Variants in BMP4 observed in about 807,000 individuals in gnomAD.
The protein encoded by BMP4 is bone morphogenetic protein 4.
BMP4 carries 3 observed loss-of-function variants against 29.6 expected under a neutral mutation model. The ratio of observed to expected loss-of-function variants is 0.10; its 90% CI spans 0.05 to 0.26. BMP4 has a LOEUF of 0.26. BMP4 is among the 10% of genes least tolerant of loss of function. The pLI is 1.00. For missense variants in BMP4, 455 were observed against 550.2 expected, an observed-to-expected ratio of 0.83 and a Z score of 1.73; for synonymous variants, 197 against 213.2, an observed-to-expected ratio of 0.92 and a Z score of 0.66.
In BMP4 at chr14:53,950,483, G is replaced by T. The variant is rs1195073655; in HGVS notation, c.776C>A (p.Pro259His). The T allele has an allele frequency of 6.2e-7, 1 of 1,614,160 alleles. No homozygotes were observed. The highest frequency in any genetic ancestry group is 8.5e-7 in the Non-Finnish European group (1 of 1,180,056). ...GQHVRISRSL[P>H]QGSGNWAQLR... ...CTGGGCCCAATTCCCACTCCCTTGAGGTAACGATCGGCTAATCCTGACATG... is the reference window on the plus strand; with the variant it reads ...CTGGGCCCAATTCCCACTCCCTTGATGTAACGATCGGCTAATCCTGACATG... Residue 259 changes from proline (P) to histidine (H), a missense_variant, in exon 4 of 4, where the codon CCT (proline) becomes CAT (histidine). Transcript: ENST00000245451. This position sits in a 1 kb window ranked among gnomAD's most constrained non-coding sequence, Gnocchi z 5.4.
chr14:53,952,586 G>A (rs1895503782), intron 2 of BMP4, among the ~76,000 whole-genome samples: 1 of 151,748 alleles, frequency 6.6e-6, no homozygotes, highest in Non-Finnish European at 1.5e-5. Context: ...CATTGAGGGG[G>A]TGAAAAGGGG....
chr14:53,952,178 T>G lies in BMP4; in HGVS notation c.45A>C (p.Gln15His), dbSNP rs1276201527. 6.2e-7 allele frequency: 1 copy of G among 1,613,970 alleles called. No homozygotes were observed. Among genetic ancestry groups the G allele is most frequent in the Non-Finnish European group, 8.5e-7 (1 of 1,180,022 alleles). The change falls in exon 3 of 4, where the codon CAA becomes CAC. Residue 15 changes from glutamine (Q) to histidine (H), a missense_variant. Gln to His is a conservative substitution (Grantham distance 24, BLOSUM62 0). Around this residue, in one of 4 missense-constraint regions of BMP4, gnomAD observed 249 missense variants for 284.6 expected, o/e 0.87. Coordinates refer to ENST00000245451, the MANE Select transcript of BMP4 (RefSeq NM_001202.6). ...CATGGCTCGCGCCTCCTAGCAGGAC[T>G]TGGCATAATAAAACGACCATCAGCA... ...NRMLMVVLLC[Q>H]VLLGGASHAS...
At position 53,950,513 on chromosome 14, in the gene BMP4, C is replaced by T; in HGVS notation, c.746G>A (p.Gly249Asp). Residue 249 changes from glycine to aspartate, a missense_variant, in exon 4 of 4, where the codon GGC becomes GAC. Around this residue, in one of 4 missense-constraint regions of BMP4, gnomAD observed 154 missense variants for 156.8 expected, o/e 0.98. Coordinates refer to ENST00000245451, the MANE Select transcript of BMP4 (RefSeq NM_001202.6). The surrounding 1 kb of genome is among the most constrained non-coding windows in gnomAD (Gnocchi z 5.4). ...THLHQTRTHQ[G>D]QHVRISRSLP... is the part of the protein sequence containing the mutation. ...CGATCGGCTAATCCTGACATGCTGG[C>T]CCTGGTGGGTCCGAGTCTGATGGAG... The T allele has an allele frequency of 6.2e-7, 1 of 1,614,210 alleles. No individual in the cohort carries two copies. The highest frequency in any genetic ancestry group is 8.5e-7 in the Non-Finnish European group (1 of 1,180,034).
rs1304268390 is a variant in BMP4, at chr14:53,956,676, C to T, written c.-259G>A. ...CTCGAGATAGCTTGGACGGGAATCCCATCGGGGAGACAAGCTAGATACTCA... is the reference window on the plus strand; with the variant it reads ...CTCGAGATAGCTTGGACGGGAATCCTATCGGGGAGACAAGCTAGATACTCA... On this transcript the variant is annotated 5_prime_UTR_variant, in exon 1 of 4. The change abolishes an upstream ATG in the 5' untranslated region. Transcript: ENST00000245451. 2.5e-6 allele frequency: 1 copy of T among 399,158 alleles called. No homozygotes were observed. Among genetic ancestry groups the T allele is most frequent in the Non-Finnish European group, 4.4e-6 (1 of 226,192 alleles). The allele number at this position is 399,158 out of a possible 1,614,324, so 24.7% of individuals were successfully genotyped here. A position where few individuals can be genotyped will look rare whatever the true frequency, so the allele number is the denominator to read the frequency against.
In BMP4 at chr14:53,954,734, G is replaced by A. The variant is rs1199143717; in HGVS notation, c.-132-1334C>T. 6.6e-6 allele frequency among the ~76,000 whole-genome samples: 1 copy of A among 152,154 alleles called. No homozygotes were observed. Among genetic ancestry groups the A allele is most frequent in the Non-Finnish European group, 1.5e-5 (1 of 68,038 alleles). On this transcript the variant is annotated intron_variant, in intron 1 of 3. Coordinates refer to ENST00000245451, the MANE Select transcript of BMP4 (RefSeq NM_001202.6). This position sits in a 1 kb window ranked among gnomAD's most constrained non-coding sequence, Gnocchi z 4.8. ...CGAAAACCCGACTAGGCGCAACTCA[G>A]CGTTCAGCAGGGCCGGGAGCGCCAG...
chr14:53,954,806 T>A lies in BMP4; in HGVS notation c.-132-1406A>T, dbSNP rs1895644585. ...CCATGACTCCTGCCCCAAAGCCCAC[T>A]CCACCCGACCTCCCTTTCCTGAGGC... On this transcript the variant is annotated intron_variant, in intron 1 of 3. Transcript: ENST00000245451. The surrounding 1 kb of genome is among the most constrained non-coding windows in gnomAD (Gnocchi z 4.8). 6.6e-6 allele frequency among the ~76,000 whole-genome samples: 1 copy of A among 152,028 alleles called. No homozygotes were observed. The highest frequency in any genetic ancestry group is 6.5e-5 in the Admixed American group (1 of 15,272).
rs538802825 is a variant in BMP4, at chr14:53,950,405, G to T, written c.854C>A (p.Thr285Asn). 6.2e-7 allele frequency: 1 copy of T among 1,613,798 alleles called. No individual in the cohort carries two copies. The highest frequency in any genetic ancestry group is 2.2e-5 in the East Asian group (1 of 44,884). The change falls in exon 4 of 4, where the codon ACC (threonine) becomes AAC (asparagine). Residue 285 changes from threonine to asparagine, a missense_variant. Coordinates refer to ENST00000245451, the MANE Select transcript of BMP4 (RefSeq NM_001202.6). This position sits in a 1 kb window ranked among gnomAD's most constrained non-coding sequence, Gnocchi z 5.4. Reference sequence around the variant, plus strand: ...GCTACGCTTGGCCCTCCGGCGTCGGGTCAAGGCATGGCCCCGGCCATCATG... The same window carrying T: ...GCTACGCTTGGCCCTCCGGCGTCGGTTCAAGGCATGGCCCCGGCCATCATG... The part of the protein sequence containing the change: ...FGHDGRGHAL[T>N]RRRRAKRSPK...
In BMP4 at chr14:53,951,857, G is replaced by T; in HGVS notation, c.366C>A (p.His122Gln). Residue 122 changes from histidine to glutamine, a missense_variant, in exon 3 of 4, where the codon CAC (histidine) becomes CAA (glutamine). Physicochemically the swap from His to Gln is conservative, Grantham distance 24. Transcript: ENST00000245451. ...SRANTVRSFH[H>Q]EEHLENIPGT... ...AGACTGGGGGAAGAGACTGACCTTCGTGGTGGAAGCTCCTCACGGTGTTGG... is the reference window on the plus strand; with the variant it reads ...AGACTGGGGGAAGAGACTGACCTTCTTGGTGGAAGCTCCTCACGGTGTTGG... 6.3e-7 allele frequency: 1 copy of T among 1,599,372 alleles called. No homozygotes were observed. Among genetic ancestry groups the T allele is most frequent in the East Asian group, 2.2e-5 (1 of 44,868 alleles).
intron 1 of BMP4, 150 bp from the exon 2 acceptor site, chr14:53,953,550 C>A (rs1449759449): frequency 1.3e-5 from 5 of 381,920 alleles, no homozygotes; most frequent in Non-Finnish European, 2.3e-5. Context: ...AGCCCCCCGC[C>A]CCTCGCGGGC....
rs760019960 is a variant in BMP4, at chr14:53,952,219, T to A, written c.4A>T (p.Ile2Phe). 2.5e-6 allele frequency: 4 copies of A among 1,614,008 alleles called. No individual in the cohort carries two copies. The South Asian group carries it at 4.4e-5, about 18-fold the overall frequency. Reference sequence around the variant, plus strand: ...ACCATCAGCATTCGGTTACCAGGAATCATGGTGTCTCTGGGGAGGGGGAGG... The same window carrying A: ...ACCATCAGCATTCGGTTACCAGGAAACATGGTGTCTCTGGGGAGGGGGAGG... M[I>F]PGNRMLMVVL... Residue 2 changes from isoleucine to phenylalanine, a missense_variant, in exon 3 of 4, where the codon ATT becomes TTT. By Grantham distance (21) the Ile-to-Phe change is conservative. Coordinates refer to ENST00000245451, the MANE Select transcript of BMP4 (RefSeq NM_001202.6).
intron 1 of BMP4, among the ~76,000 whole-genome samples, chr14:53,953,628 C>T (rs1874242712): frequency 6.6e-6 from 1 of 151,800 alleles, no homozygotes; most frequent in South Asian, 2.1e-4. Flanking sequence ...GAGGAGCTCC[C>T]GGCGGCGCTC....
Position 53,949,972 on chromosome 14 carries a change from G to A in BMP4, c.*60C>T. The A allele has an allele frequency of 1.3e-6, 2 of 1,578,722 alleles. No homozygotes were observed. The highest frequency in any genetic ancestry group is 1.7e-6 in the Non-Finnish European group (2 of 1,153,262). Reference sequence around the variant, plus strand: ...TGAGTGGATGGGAACGTGTGTGTGTGGTGTATGTGGTGTGTGTGTGTGGTG... The same window carrying A: ...TGAGTGGATGGGAACGTGTGTGTGTAGTGTATGTGGTGTGTGTGTGTGGTG... On this transcript the variant is annotated 3_prime_UTR_variant, in exon 4 of 4. Transcript: ENST00000245451.
chr14:53,953,930 C>CCA (rs1353373566), intron 1 of BMP4, among the ~76,000 whole-genome samples: 1 of 71,330 alleles, frequency 1.4e-5, no homozygotes, highest in Non-Finnish European at 4.2e-5. Flanking sequence ...TACACACACA[C>CCA]CCCCCCACAC....
At position 53,955,813 on chromosome 14, in the gene BMP4, C is replaced by T. The variant is rs1194781955; in HGVS notation, c.-133+737G>A. ...CGTCCGCCTTTCGTCCCGCCAGGAA[C>T]TCCCCATAGGACACGACACCGCAGG... is the stretch of plus-strand genomic sequence containing the variant. On this transcript the variant is annotated intron_variant, in intron 1 of 3. Transcript: ENST00000245451. The surrounding 1 kb of genome is among the most constrained non-coding windows in gnomAD (Gnocchi z 4.0). 6.6e-6 allele frequency: 1 copy of T among 152,364 alleles called. No homozygotes were observed. The highest frequency in any genetic ancestry group is 2.4e-5 in the African/African-American group (1 of 41,572). 9.4% of individuals were successfully genotyped at this position (152,364 alleles called of 1,614,324 possible).
chr14:53,951,685 A>C, intron 3 of BMP4, 168 bp downstream of exon 3: 2 of 1,104,058 alleles, frequency 1.8e-6, no homozygotes. Flanking sequence ...TCTCCAAAAA[A>C]TAAGTTCGGC....
chr14:53,952,261 GAATA>G (rs1566581886), intron 2 of BMP4, 32 bp from the exon 3 acceptor site: 1 of 1,608,336 alleles, frequency 6.2e-7, no homozygotes, highest in East Asian at 2.2e-5. Context: ...GAAGGTTAAA[GAATA>G]AATAAACACC....
intron 3 of BMP4, 108 bp downstream of exon 3, chr14:53,951,745 T>G: frequency 6.7e-7 from 1 of 1,493,332 alleles, no homozygotes; most frequent in Non-Finnish European, 8.9e-7. Context: ...CTCAGCCTCC[T>G]GGACTGGGGC....
In BMP4 at chr14:53,952,197, A is replaced by C; in HGVS notation, c.26T>G (p.Met9Arg). The C allele has an allele frequency of 6.2e-7, 1 of 1,614,086 alleles. No homozygotes were observed. Among genetic ancestry groups the C allele is most frequent in the South Asian group, 1.1e-5 (1 of 91,078 alleles). The change falls in exon 3 of 4, where the codon ATG becomes AGG. Residue 9 changes from methionine to arginine, a missense_variant. Met to Arg is a moderately conservative substitution (Grantham distance 91, BLOSUM62 -1). This residue lies in a region of BMP4 where 249 missense variants were observed against 284.6 expected (regional missense o/e 0.87). Coordinates refer to ENST00000245451, the MANE Select transcript of BMP4 (RefSeq NM_001202.6). MIPGNRML[M>R]VVLLCQVLLG... ...CAGGACTTGGCATAATAAAACGACCATCAGCATTCGGTTACCAGGAATCAT... is the reference window on the plus strand; with the variant it reads ...CAGGACTTGGCATAATAAAACGACCCTCAGCATTCGGTTACCAGGAATCAT...
Position 53,950,262 on chromosome 14 carries a change from G to A in BMP4, c.997C>T (p.Gln333Ter). 1 of 1,614,254 alleles carries A rather than the reference G, an allele frequency of 6.2e-7. No individual in the cohort carries two copies. The highest frequency in any genetic ancestry group is 8.5e-7 in the Non-Finnish European group (1 of 1,180,040). ...CAGTCCCCATGGCAGTAGAAGGCCTGGTAGCCTGGTGGGGCCACAATCCAG... is the reference window on the plus strand; with the variant it reads ...CAGTCCCCATGGCAGTAGAAGGCCTAGTAGCCTGGTGGGGCCACAATCCAG... ...NDWIVAPPGYQAFYCHGDCPF... is the reference protein window; with the variant it reads ...NDWIVAPPGY The change falls in exon 4 of 4, where the codon CAG becomes TAG. Residue 333 changes from glutamine to a stop codon, truncating the protein, a stop_gained. Transcript: ENST00000245451. LOFTEE classifies it high-confidence loss of function. The surrounding 1 kb of genome is among the most constrained non-coding windows in gnomAD (Gnocchi z 5.4).
Sources: allele counts gnomAD v4.1 joint callset (sites outside exome capture counted in the v4.1 genomes callset), GRCh38; gene constraint gnomAD v4.1.1; regional missense constraint gnomAD v4.1.1; non-coding constraint Gnocchi (gnomAD v3.1); transcripts MANE v1.5; gene names NCBI Gene and HGNC (gene_info 2026-07-23, HGNC 2026-07-21).